PARP10: variants seen among roughly 807,000 people sequenced by gnomAD.
PARP10 encodes protein mono-ADP-ribosyltransferase PARP10.
A neutral mutation model predicts 82.4 loss-of-function variants in PARP10; 56 were observed. The observed-to-expected ratio is 0.68, with a 90% CI of 0.55 to 0.85. The LOEUF is 0.85. Ranked by LOEUF, PARP10 falls within the 40% of genes least tolerant of loss-of-function variation. PARP10 has a pLI of 0.00. For synonymous variants in PARP10, 576 were observed against 601.1 expected (o/e 0.96, Z 0.61); for missense variants, 1,227 against 1,379.4 (o/e 0.89, Z 1.75).
chr8:143,991,516 G>GCTA, upstream of PARP10: 1 of 1,544,994 alleles, frequency 6.5e-7, no homozygotes, highest in Non-Finnish European at 8.7e-7. Flanking sequence ...CCCCAAGGGG[G>GCTA]CTACCCCCAG....
At position 144,008,635 on chromosome 8, in the gene PARP10, C is replaced by G. The variant is rs1460610411; in HGVS notation, c.-80+3895G>C. Among the ~76,000 whole-genome samples, 2 of 152,218 alleles carry G rather than the reference C, an allele frequency of 1.3e-5. No homozygotes were observed. The highest frequency in any genetic ancestry group is 4.8e-5 in the African/African-American group (2 of 41,456). ...GCCTCCCTGCAGCCAGGAACTGGGA[C>G]TGTTCCCAAGTGACACTGTCCAAGA... On this transcript the variant is annotated intron_variant, in intron 1 of 3. Transcript: ENST00000530478. The surrounding 1 kb of genome is among the most constrained non-coding windows in gnomAD (Gnocchi z 4.0).
chr8:144,005,164 G>T (rs1834227103), intron 1 of PARP10, among the ~76,000 whole-genome samples: 1 of 149,156 alleles, frequency 6.7e-6, no homozygotes, highest in Admixed American at 6.6e-5. Flanking sequence ...GGGTGACAAG[G>T]CAAGACTCAG....
At chr8:143,991,553 C>G (rs782477140), upstream of PARP10, 33 of 1,580,318 alleles carry the variant, frequency 2.1e-5, no homozygotes, top group Non-Finnish European at 2.5e-5. Context: ...GCCCCTTCCC[C>G]CCCAACCCCT....
chr8:143,979,181 G>A (rs1419559317), intron 9 of PARP10, among the ~76,000 whole-genome samples: 1 of 151,940 alleles, frequency 6.6e-6, no homozygotes, highest in Non-Finnish European at 1.5e-5. Flanking sequence ...CACTGTGTTA[G>A]CCAGGATGGT....
intron 1 of PARP10, among the ~76,000 whole-genome samples, chr8:144,006,968 T>C (rs1834240360): frequency 6.6e-6 from 1 of 152,166 alleles, no homozygotes. Flanking sequence ...CCACCTGCTC[T>C]CCATTCCACC....
Position 143,983,152 on chromosome 8 carries a change from A to G in PARP10, c.2422+15T>C, listed in dbSNP as rs782578511. On this transcript the variant is annotated intron_variant, in intron 8 of 10. Transcript: ENST00000313028. ...AGCCCACCCCACCGTCCCTCAGTCC[A>G]GGAGGTAGACTCACAGGTAGGGCCT... The G allele has an allele frequency of 2.5e-6, 4 of 1,612,824 alleles. No homozygotes were observed. The highest frequency in any genetic ancestry group is 2.2e-5 in the East Asian group (1 of 44,832).
rs1834279596 is a variant in PARP10, at chr8:144,011,201, C to T, written c.-80+1329G>A. On this transcript the variant is annotated intron_variant, in intron 1 of 3. Transcript: ENST00000530478. The surrounding 1 kb of genome is among the most constrained non-coding windows in gnomAD (Gnocchi z 4.5). ...CAAGAGGCTAACAGTGAAATAAGACCATGACAAGCTAATTTTCACATGTTG... is the reference window on the plus strand; with the variant it reads ...CAAGAGGCTAACAGTGAAATAAGACTATGACAAGCTAATTTTCACATGTTG... Among the ~76,000 whole-genome samples the T allele has an allele frequency of 6.6e-6, 1 of 152,064 alleles. No homozygotes were observed. The highest frequency in any genetic ancestry group is 1.5e-5 in the Non-Finnish European group (1 of 68,010).
rs544683685 is a variant in PARP10 at position 143,983,627 on chromosome 8, G to T, written c.1962C>A (p.Ala654=). 1 of 1,604,766 alleles carries T rather than the reference G, an allele frequency of 6.2e-7. No homozygotes were observed. The highest frequency in any genetic ancestry group is 8.5e-7 in the Non-Finnish European group (1 of 1,175,666). The change falls in exon 8 of 11, where the codon GCC becomes GCA. Residue 654 remains alanine (A), a synonymous_variant. Transcript: ENST00000313028. ...ACCGGTGGAGGGCCAGCTGCAGAGC[G>T]GCCTCCTCCTCCAGCCACCTGGGTG... ...TVAPRWLEEE[A]ALQLALHRSL...
At chr8:144,000,081 C>T (rs1316193333) in intron 1 of PARP10, among the ~76,000 whole-genome samples, 1 of 152,166 alleles carries the variant, frequency 6.6e-6, no homozygotes, top group African/African-American at 2.4e-5. Flanking sequence ...GAAGGTTATG[C>T]TCATCTCATA....
chr8:143,991,276 A>T (rs1371958965), upstream of PARP10: 1 of 1,529,940 alleles, frequency 6.5e-7, no homozygotes, highest in East Asian at 2.4e-5. Flanking sequence ...CCTCCCCCCA[A>T]CCCTGGATAT....
At chr8:143,992,599 C>T, upstream of PARP10, 1 of 1,614,150 alleles carries the variant, frequency 6.2e-7, no homozygotes, top group Non-Finnish European at 8.5e-7. Flanking sequence ...GCGCTCTGCT[C>T]TTCACCTGCG....
At chr8:143,984,476 G>A (rs782654632) in intron 5 of PARP10, 45 bp from the exon 6 acceptor site, 20 of 1,593,668 alleles carry the variant, frequency 1.3e-5, no homozygotes, top group Non-Finnish European at 1.7e-5. Context: ...TTAGAGCACA[G>A]GAAAGGTACT....
chr8:144,000,564 A>C (rs1834194395), intron 1 of PARP10, among the ~76,000 whole-genome samples: 2 of 152,170 alleles, frequency 1.3e-5, no homozygotes, highest in Non-Finnish European at 2.9e-5. Context: ...TGGGAGGCGG[A>C]GCTTGCAGTG....
At position 143,983,484 on chromosome 8, in the gene PARP10, C is replaced by G. The variant is rs1324068959; in HGVS notation, c.2105G>C (p.Gly702Ala). Residue 702 changes from glycine (G) to alanine (A), a missense_variant, in exon 8 of 11, where the codon GGG (glycine) becomes GCG (alanine). By Grantham distance (60) the Gly-to-Ala change is moderately conservative. Coordinates refer to ENST00000313028, the MANE Select transcript of PARP10 (RefSeq NM_032789.5). ...PLEAEEPPDG[G>A]TDGKAQLVVH... ...CACCAGCTGGGCCTTGCCATCAGTC[C>G]CCCCATCTGGGGGCTCTTCTGCCTC... The G allele has an allele frequency of 1.0e-5, 16 of 1,607,014 alleles. No homozygotes were observed. The highest frequency in any genetic ancestry group is 1.4e-5 in the Non-Finnish European group (16 of 1,178,216).
At chr8:143,983,143 C>T in intron 8 of PARP10, 24 bp downstream of exon 8, 3 of 1,611,964 alleles carry the variant, frequency 1.9e-6, no homozygotes, top group Non-Finnish European at 2.5e-6. Flanking sequence ...CCCCACCGTC[C>T]CTCAGTCCAG....
intron 1 of PARP10, among the ~76,000 whole-genome samples, chr8:144,000,311 GAC>G (rs149828817): frequency 6.6e-6 from 1 of 152,090 alleles, no homozygotes; most frequent in Non-Finnish European, 1.5e-5. Flanking sequence ...TTTGACCACA[GAC>G]ACACACACAC....
At position 143,986,320 on chromosome 8, in the gene PARP10, G is replaced by A. The variant is rs782180462; in HGVS notation, c.2+38C>T. 12 of 1,614,038 alleles carry A rather than the reference G, an allele frequency of 7.4e-6. 1 individual carries two copies. The South Asian group carries it at 1.1e-4, about 15-fold the overall frequency. The stretch of plus-strand genomic sequence containing the variant: ...GGCCCCTCCAAGGTGTGTCCTCAAT[G>A]CTCCCCCATTATGGGTGGCCCCACA... On this transcript the variant is annotated intron_variant, in intron 1 of 10. Transcript: ENST00000313028.
intron 1 of PARP10, among the ~76,000 whole-genome samples, chr8:144,004,186 C>T (rs781834532): frequency 6.6e-6 from 1 of 151,998 alleles, no homozygotes; most frequent in East Asian, 1.9e-4. Flanking sequence ...GGTATGGTGG[C>T]GCTTGCCTGT....
chr8:143,979,324 G>A (rs1373604010), intron 9 of PARP10, among the ~76,000 whole-genome samples: 13 of 152,146 alleles, frequency 8.5e-5, no homozygotes, highest in Non-Finnish European at 1.8e-4. Flanking sequence ...CAAACCGGAA[G>A]AAGTCTCACC....
Sources: allele counts gnomAD v4.1 joint callset (sites outside exome capture counted in the v4.1 genomes callset), GRCh38; gene constraint gnomAD v4.1.1; non-coding constraint Gnocchi (gnomAD v3.1); transcripts MANE v1.5; gene names NCBI Gene and HGNC (gene_info 2026-07-23, HGNC 2026-07-21).